Variants in CLECL1 observed in about 807,000 individuals in gnomAD.
The protein encoded by CLECL1 is C-type lectin-like domain family 1.
At chr12:9,709,041 G>C in the CLECL1 span, 1 of 170,494 alleles carries the variant, frequency 5.9e-6, no homozygotes, top group Non-Finnish European at 1.3e-5. Flanking sequence ...TTGGCCTCAG[G>C]AAGGAACCAT....
chr12:9,713,684 G>A (rs138095834), downstream of CLECL1, among the ~76,000 whole-genome samples: 36 of 152,298 alleles, frequency 2.4e-4, no homozygotes, highest in African/African-American at 7.9e-4. Flanking sequence ...GCAATAGATC[G>A]ATAGTGATTT....
chr12:9,716,481 T>A (rs1264519825), exon 3 of CLECL1: 1 of 180,610 alleles, frequency 5.5e-6, no homozygotes, highest in African/African-American at 2.4e-5. Flanking sequence ...TGCAACTTGA[T>A]GAACACTGTC....
chr12:9,722,302 T>C (rs10772083), downstream of CLECL1, among the ~76,000 whole-genome samples: 94,541 of 151,588 alleles, frequency 0.62, 30,006 homozygotes, highest in African/African-American at 0.74. Context: ...TTTCAGCTGC[T>C]GTGATACCTG....
At chr12:9,731,457 C>T (rs936334441) in intron 1 of CLECL1, among the ~76,000 whole-genome samples, 1 of 152,026 alleles carries the variant, frequency 6.6e-6, no homozygotes, top group African/African-American at 2.4e-5. Context: ...AGGCCAATAG[C>T]CAGAGCAAAA....
At chr12:9,714,468 G>A (rs983118319), downstream of CLECL1, among the ~76,000 whole-genome samples, 1 of 152,222 alleles carries the variant, frequency 6.6e-6, no homozygotes, top group Non-Finnish European at 1.5e-5. Flanking sequence ...AGTCCTGGTG[G>A]AATTCTGGGT....
exon 4 of CLECL1, chr12:9,722,669 A>G (rs918494504): frequency 6.2e-7 from 1 of 1,613,872 alleles, no homozygotes. Context: ...TTGAATCACC[A>G]TGAGATATGA....
the CLECL1 span, among the ~76,000 whole-genome samples, chr12:9,705,210 T>C: frequency 5.9e-5 from 9 of 152,358 alleles, no homozygotes; most frequent in African/African-American, 2.2e-4. Context: ...GTATGTCTTC[T>C]TTTGAGAAAT....
At chr12:9,733,300 T>C, upstream of CLECL1, 1 of 1,434,954 alleles carries the variant, frequency 7.0e-7, no homozygotes, top group Non-Finnish European at 9.6e-7. Flanking sequence ...GTTTTCTGCC[T>C]AAACTTGAAA....
intron 3 of CLECL1, among the ~76,000 whole-genome samples, chr12:9,727,257 A>G (rs1866390765): frequency 6.6e-6 from 1 of 151,802 alleles, no homozygotes; most frequent in Non-Finnish European, 1.5e-5. Flanking sequence ...AAGAGGAAAG[A>G]AATTTTAACC....
chr12:9,715,433 A>C (rs1289182658), downstream of CLECL1, among the ~76,000 whole-genome samples: 1 of 152,200 alleles, frequency 6.6e-6, no homozygotes, highest in Non-Finnish European at 1.5e-5. Context: ...GTCATAGCAC[A>C]CATCGGGCTG....
downstream of CLECL1, among the ~76,000 whole-genome samples, chr12:9,721,839 A>G (rs143011572): frequency 6.6e-6 from 1 of 152,306 alleles, no homozygotes; most frequent in African/African-American, 2.4e-5. Context: ...AGAGCCTTAC[A>G]GTTTGACATT....
downstream of CLECL1, among the ~76,000 whole-genome samples, chr12:9,719,893 G>A (rs76229210): frequency 0.032 from 4,825 of 152,264 alleles, 261 homozygotes; most frequent in African/African-American, 0.11. Flanking sequence ...GGGCATTTTA[G>A]TTTCCATTTT....
intron 3 of CLECL1, among the ~76,000 whole-genome samples, chr12:9,726,733 A>T (rs1308982371): frequency 6.6e-6 from 1 of 151,996 alleles, no homozygotes; most frequent in African/African-American, 2.4e-5. Flanking sequence ...GGGTAAGAAA[A>T]CAGATTTGGA....
At chr12:9,711,512 TAAA>T (rs141838777), downstream of CLECL1, among the ~76,000 whole-genome samples, 105,769 of 150,754 alleles carry the variant, frequency 0.7, 38,782 homozygotes, top group East Asian at 0.95. Context: ...GTAAGTTATT[TAAA>T]AAAAAAAAAA....
downstream of CLECL1, among the ~76,000 whole-genome samples, chr12:9,713,906 G>A (rs191856363): frequency 6.6e-6 from 1 of 152,308 alleles, no homozygotes; most frequent in East Asian, 1.9e-4. Context: ...ACTTGCACGG[G>A]TACATGTGCC....
At chr12:9,725,699 C>T (rs1157065446) in intron 3 of CLECL1, among the ~76,000 whole-genome samples, 2 of 152,062 alleles carry the variant, frequency 1.3e-5, no homozygotes, top group African/African-American at 4.8e-5. Context: ...AGAAACAACA[C>T]TGTTGTTTCT....
intron 1 of CLECL1, among the ~76,000 whole-genome samples, chr12:9,730,094 C>A (rs1368280320): frequency 6.6e-6 from 1 of 152,110 alleles, no homozygotes; most frequent in South Asian, 2.1e-4. Flanking sequence ...TAAAACCATA[C>A]ATTTAAACAT....
intron 3 of CLECL1, among the ~76,000 whole-genome samples, chr12:9,723,181 A>G (rs929869997): frequency 1.3e-5 from 2 of 152,240 alleles, no homozygotes; most frequent in Non-Finnish European, 2.9e-5. Context: ...CTACTAACAC[A>G]TCAGAAATGT....
intron 3 of CLECL1, among the ~76,000 whole-genome samples, chr12:9,726,263 A>C (rs1866378610): frequency 6.6e-6 from 1 of 152,036 alleles, no homozygotes; most frequent in East Asian, 1.9e-4. Context: ...GAAGAAATAA[A>C]AACATCACAT....
Sources: allele counts gnomAD v4.1 joint callset (sites outside exome capture counted in the v4.1 genomes callset), GRCh38; gene constraint gnomAD v4.1.1; transcripts MANE v1.5; gene names NCBI Gene and HGNC (gene_info 2026-07-23, HGNC 2026-07-21).